MAPRE3: variants seen among roughly 807,000 people sequenced by gnomAD.
MAPRE3 encodes the protein microtubule associated protein RP/EB family member 3.
MAPRE3 carries 2 observed loss-of-function variants against 30.5 expected under a neutral mutation model. The ratio of observed to expected loss-of-function variants is 0.07; its 90% CI spans 0.03 to 0.21. The LOEUF (loss-of-function observed/expected upper bound fraction) is 0.21, where lower values mean the gene tolerates loss of function less well. Among genes scored for constraint, MAPRE3 ranks in the 10% least tolerant of loss-of-function variants. The pLI is 1.00. For synonymous variants in MAPRE3, 110 were observed against 127.7 expected (o/e 0.86, Z 0.93); for missense variants, 204 against 351.8 (o/e 0.58, Z 3.36).
intron 1 of MAPRE3, among the ~76,000 whole-genome samples, chr2:26,974,596 C>T (rs1374154470): frequency 2.0e-5 from 3 of 152,146 alleles, no homozygotes; most frequent in African/African-American, 7.2e-5. Flanking sequence ...TTTCTGGGAG[C>T]CATAAGGACT....
chr2:27,024,716 G>A (rs1166912783), intron 4 of MAPRE3, among the ~76,000 whole-genome samples: 3 of 152,208 alleles, frequency 2.0e-5, no homozygotes, highest in African/African-American at 4.8e-5. Context: ...GAGTTGCCAA[G>A]CTGGATCACA....
At chr2:26,973,834 C>T (rs1665964749) in intron 1 of MAPRE3, among the ~76,000 whole-genome samples, 1 of 152,192 alleles carries the variant, frequency 6.6e-6, no homozygotes, top group South Asian at 2.1e-4. Context: ...GGACTACAGG[C>T]GTGAGCCACC....
chr2:27,024,323 A>T (rs1378168027), intron 4 of MAPRE3, 26 bp downstream of exon 4: 1 of 1,605,622 alleles, frequency 6.2e-7, no homozygotes, highest in East Asian at 2.2e-5. Flanking sequence ...CGGGGGAGGG[A>T]GCGTGGGGGG....
intron 1 of MAPRE3, among the ~76,000 whole-genome samples, chr2:26,987,364 C>T (rs371067286): frequency 3.2e-4 from 49 of 152,258 alleles, no homozygotes; most frequent in Middle Eastern, 6.8e-3. Flanking sequence ...TGGCTGGGCG[C>T]GGTGGCTCAC....
intron 1 of MAPRE3, chr2:26,984,868 A>T (rs1049312933): frequency 9.2e-5 from 14 of 152,216 alleles, no homozygotes; most frequent in African/African-American, 3.4e-4. Context: ...AGGTAACATT[A>T]GTTTTGATTT....
intron 1 of MAPRE3, among the ~76,000 whole-genome samples, chr2:27,004,698 G>C (rs952523055): frequency 2.1e-5 from 3 of 141,162 alleles, no homozygotes; most frequent in Non-Finnish European, 4.6e-5. Flanking sequence ...CTCATGTTTA[G>C]AGCAAATTAC....
chr2:27,021,418 A>G (rs1200096242), intron 1 of MAPRE3, among the ~76,000 whole-genome samples: 1 of 152,204 alleles, frequency 6.6e-6, no homozygotes, highest in Non-Finnish European at 1.5e-5. Context: ...CACTGGGATA[A>G]TGAATACAGG....
rs369278451 is a variant in MAPRE3 at position 27,019,377 on chromosome 2, A to G, written c.-7-2835A>G. Among the ~76,000 whole-genome samples the G allele has an allele frequency of 6.7e-4, 17 of 25,212 alleles. No individual in the cohort carries two copies. In the East Asian group the frequency reaches 0.016, roughly 23 times the overall value. The allele number at this position is 25,212 out of a possible 152,430, so 16.5% of individuals were successfully genotyped here. On this transcript the variant is annotated intron_variant, in intron 1 of 6. Transcript: ENST00000233121. Reference sequence around the variant, plus strand: ...GGCGGGGGGATGGTGGGGGTATGGCAGGGGGATGGCAGGGGGACCCAGGCC... The same window carrying G: ...GGCGGGGGGATGGTGGGGGTATGGCGGGGGGATGGCAGGGGGACCCAGGCC...
Position 27,026,436 on chromosome 2 carries a change from T to A in MAPRE3, c.*88T>A. On this transcript the variant is annotated 3_prime_UTR_variant, in exon 7 of 7. Transcript: ENST00000233121. The stretch of plus-strand genomic sequence containing the variant: ...ACATTATAGTCCTTTCCTAACACGG[T>A]CGGCCGGGTGCTTTGTGTCAGTGCT... 8.5e-7 allele frequency: 1 copy of A among 1,179,914 alleles called. No individual in the cohort carries two copies. 73.1% of individuals were successfully genotyped at this position (1,179,914 alleles called of 1,614,324 possible). A position where few individuals can be genotyped will look rare whatever the true frequency, so the allele number is the denominator to read the frequency against.
intron 4 of MAPRE3, 94 bp downstream of exon 4, chr2:27,024,391 C>A: frequency 1.7e-6 from 2 of 1,159,700 alleles, no homozygotes; most frequent in Non-Finnish European, 2.4e-6. Context: ...CCGGCCCTGC[C>A]AGCCTGGAGG....
chr2:26,987,410 G>T (rs1051486078), intron 1 of MAPRE3, among the ~76,000 whole-genome samples: 1 of 152,118 alleles, frequency 6.6e-6, no homozygotes, highest in Admixed American at 6.6e-5. Context: ...GCTGAGGCAG[G>T]TGGATCACCT....
At chr2:27,006,214 A>C (rs1666724616) in intron 1 of MAPRE3, among the ~76,000 whole-genome samples, 1 of 152,038 alleles carries the variant, frequency 6.6e-6, no homozygotes, top group Non-Finnish European at 1.5e-5. Context: ...ACAAAAAAAA[A>C]ACAAGTGTGT....
chr2:27,022,685 A>AT (rs1271048204), intron 2 of MAPRE3: 1 of 218,664 alleles, frequency 4.6e-6, no homozygotes, highest in Admixed American at 5.2e-5. Flanking sequence ...AAAGGTGATA[A>AT]TAAAATAAAA....
rs1346276448 is a variant in MAPRE3, at chr2:27,026,482, G to A, written c.*134G>A. On this transcript the variant is annotated 3_prime_UTR_variant, in exon 7 of 7. Transcript: ENST00000233121. Reference sequence around the variant, plus strand: ...GTGCTGCAGCACTGGGGAGCCAGGCGAGGGGGGCTTGGGGGCATGGGGCCG... The same window carrying A: ...GTGCTGCAGCACTGGGGAGCCAGGCAAGGGGGGCTTGGGGGCATGGGGCCG... 20 of 755,226 alleles carry A rather than the reference G, an allele frequency of 2.6e-5. No individual in the cohort carries two copies. In the South Asian group the frequency reaches 2.7e-4, roughly 10 times the overall value. The allele number at this position is 755,226 out of a possible 1,614,324, so 46.8% of individuals were successfully genotyped here. A position where few individuals can be genotyped will look rare whatever the true frequency, so the allele number is the denominator to read the frequency against.
chr2:26,975,829 G>A (rs1429315517), intron 1 of MAPRE3, among the ~76,000 whole-genome samples: 4 of 152,096 alleles, frequency 2.6e-5, no homozygotes, highest in Non-Finnish European at 5.9e-5. Context: ...CTTCAAGCAG[G>A]CCCAGGCAGT....
In MAPRE3 at chr2:27,025,667, G is replaced by A. The variant is rs945064428; in HGVS notation, c.554G>A (p.Arg185Gln). 1.5e-5 allele frequency: 24 copies of A among 1,613,306 alleles called. No individual in the cohort carries two copies. The highest frequency in any genetic ancestry group is 1.9e-5 in the Non-Finnish European group (22 of 1,179,636). Residue 185 changes from arginine to glutamine, a missense_variant, in exon 5 of 7, where the codon CGG becomes CAG. Around this residue, in one of 5 missense-constraint regions of MAPRE3, gnomAD observed 42 missense variants for 81.2 expected, o/e 0.52. Transcript: ENST00000233121. Reference protein sequence around the residue: ...LSNVAPPCILRKNPPSARNGG... With the variant: ...LSNVAPPCILQKNPPSARNGG... ...AATGTGGCCCCCCCCTGCATTCTCC[G>A]GAAGAATCCTCCATCAGCCCGAAAT...
At chr2:27,024,323 A>G in intron 4 of MAPRE3, 26 bp downstream of exon 4, 1 of 1,605,622 alleles carries the variant, frequency 6.2e-7, no homozygotes, top group East Asian at 2.2e-5. Flanking sequence ...CGGGGGAGGG[A>G]GCGTGGGGGG....
At chr2:27,022,754 C>G (rs912332970) in intron 2 of MAPRE3, 4 of 180,134 alleles carry the variant, frequency 2.2e-5, no homozygotes, top group Admixed American at 1.1e-4. Flanking sequence ...GTTGACCAAA[C>G]CATCGTTATG....
In MAPRE3 at chr2:26,970,736, C is replaced by T. The variant is rs901669665; in HGVS notation, c.-74C>T. 1 of 152,838 alleles carries T rather than the reference C, an allele frequency of 6.5e-6. No individual in the cohort carries two copies. Among genetic ancestry groups the T allele is most frequent in the African/African-American group, 2.4e-5 (1 of 41,454 alleles). The allele number at this position is 152,838 out of a possible 1,614,324, so 9.5% of individuals were successfully genotyped here. On this transcript the variant is annotated 5_prime_UTR_variant, in exon 1 of 7. Coordinates refer to ENST00000233121, the MANE Select transcript of MAPRE3 (RefSeq NM_012326.4). ...CGGAGCCGCCGGCCGGAGCCGCAGC[C>T]TCTGCCGCAGCGCCCCCGCCACCTG...
Sources: gnomAD v4.1 joint callset for allele counts (sites outside exome capture counted in the v4.1 genomes callset) on GRCh38, gnomAD v4.1.1 for gene constraint, gnomAD v4.1.1 regional missense constraint, MANE v1.5 for transcripts, NCBI Gene and HGNC (gene_info 2026-07-23, HGNC 2026-07-21) for gene names.